PLCZ1: variants seen among roughly 807,000 people sequenced by gnomAD.
The protein encoded by PLCZ1 is 1-phosphatidylinositol 4,5-bisphosphate phosphodiesterase zeta-1.
PLCZ1 carries 64 observed loss-of-function variants against 76.8 expected under a neutral mutation model. The observed-to-expected ratio is 0.83, with a 90% CI of 0.68 to 1.03. PLCZ1 has a LOEUF of 1.03. PLCZ1 is among the 50% of genes least tolerant of loss of function. PLCZ1 has a pLI of 0.00. For synonymous variants in PLCZ1, 248 were observed against 230.8 expected (o/e 1.07, Z -0.68); for missense variants, 751 against 713.7 (o/e 1.05, Z -0.60).
Position 18,699,960 on chromosome 12 carries a change from A to C in PLCZ1, c.1018-10T>G. The C allele has an allele frequency of 6.2e-7, 1 of 1,603,822 alleles. No individual in the cohort carries two copies. The highest frequency in any genetic ancestry group is 8.5e-7 in the Non-Finnish European group (1 of 1,174,530). The stretch of plus-strand genomic sequence containing the variant: ...TTTTTAGCTTCCTGGTCTAAAAATA[A>C]AATGCAGTAATTTTACATTTTTATG... On this transcript the variant is annotated splice_polypyrimidine_tract_variant and intron_variant, in intron 9 of 14. Transcript: ENST00000266505.
chr12:18,669,499 G>A, the PLCZ1 span, among the ~76,000 whole-genome samples: 1 of 152,104 alleles, frequency 6.6e-6, no homozygotes, highest in Non-Finnish European at 1.5e-5. Flanking sequence ...CATAGACTCG[G>A]TGGCTTAAAC....
At position 18,693,465 on chromosome 12, in the gene PLCZ1, C is replaced by G. The variant is rs897743503; in HGVS notation, c.1461+1445G>C. On this transcript the variant is annotated intron_variant, in intron 12 of 14. Coordinates refer to ENST00000266505, the MANE Select transcript of PLCZ1 (RefSeq NM_033123.4). ...GTCATTCTCTGTGGTCCACCTGGCACAGGTAAAACCTTGTTAGCCAAAGCA... is the reference window on the plus strand; with the variant it reads ...GTCATTCTCTGTGGTCCACCTGGCAGAGGTAAAACCTTGTTAGCCAAAGCA... 1.9e-6 allele frequency: 3 copies of G among 1,606,726 alleles called. No homozygotes were observed. In the African/African-American group the frequency reaches 4.0e-5, roughly 21 times the overall value.
At chr12:18,724,264 C>G (rs912487933) in intron 3 of PLCZ1, among the ~76,000 whole-genome samples, 11 of 152,030 alleles carry the variant, frequency 7.2e-5, no homozygotes, top group Admixed American at 7.2e-4. Context: ...CACTAAAGAA[C>G]AGACCTCGGT....
intron 10 of PLCZ1, among the ~76,000 whole-genome samples, chr12:18,698,740 G>A (rs1320501489): frequency 1.3e-5 from 2 of 152,088 alleles, no homozygotes; most frequent in African/African-American, 4.8e-5. Flanking sequence ...GATAAGTGGT[G>A]TATCCATCAC....
intron 3 of PLCZ1, 61 bp from the exon 4 acceptor site, chr12:18,723,603 T>G: frequency 8.2e-7 from 1 of 1,226,662 alleles, no homozygotes; most frequent in Non-Finnish European, 1.2e-6. Flanking sequence ...AAAATGAATA[T>G]TAGAGTATTT....
the PLCZ1 span, among the ~76,000 whole-genome samples, chr12:18,648,763 C>T: frequency 6.6e-6 from 1 of 152,058 alleles, no homozygotes; most frequent in African/African-American, 2.4e-5. Flanking sequence ...TGCTTCTGAA[C>T]CTACTTTCGT....
intron 10 of PLCZ1, among the ~76,000 whole-genome samples, chr12:18,697,184 T>A (rs1955184120): frequency 6.6e-6 from 1 of 152,146 alleles, no homozygotes; most frequent in Admixed American, 6.6e-5. Flanking sequence ...GAATGGTTAC[T>A]GCTTATGGCT....
At chr12:18,728,276 T>C (rs941384121) in intron 3 of PLCZ1, among the ~76,000 whole-genome samples, 3 of 152,208 alleles carry the variant, frequency 2.0e-5, no homozygotes, top group Non-Finnish European at 4.4e-5. Context: ...ATATCAACAT[T>C]CTTACACTCA....
At chr12:18,662,802 A>C in the PLCZ1 span, among the ~76,000 whole-genome samples, 1 of 152,144 alleles carries the variant, frequency 6.6e-6, no homozygotes, top group Non-Finnish European at 1.5e-5. Flanking sequence ...TAACTTTAGC[A>C]TGTTAAATGT....
At chr12:18,656,903 A>C in the PLCZ1 span, among the ~76,000 whole-genome samples, 135,051 of 152,246 alleles carry the variant, frequency 0.89, 59,974 homozygotes, top group Admixed American at 0.9. Context: ...ATGTGGTGTT[A>C]AAGTTACTTT....
the PLCZ1 span, among the ~76,000 whole-genome samples, chr12:18,660,728 A>G: frequency 6.6e-6 from 1 of 152,280 alleles, no homozygotes; most frequent in East Asian, 1.9e-4. Flanking sequence ...TGATATTATT[A>G]GATTCATATA....
rs143653937 is a variant in PLCZ1, at chr12:18,737,391, C to G, written c.-20G>C. ...TTCCATAGTTTCATGACCTGTAGAG[C>G]CGTTTCTCCTCACTTAGAAGTCTTT... On this transcript the variant is annotated 5_prime_UTR_variant, in exon 2 of 15. Transcript: ENST00000266505. The G allele has an allele frequency of 1.3e-4, 202 of 1,613,786 alleles. No homozygotes were observed. In the African/African-American group the frequency reaches 2.5e-3, roughly 20 times the overall value.
At chr12:18,717,049 A>C (rs1958065606) in intron 5 of PLCZ1, among the ~76,000 whole-genome samples, 1 of 152,182 alleles carries the variant, frequency 6.6e-6, no homozygotes, top group Non-Finnish European at 1.5e-5. Context: ...GCCACTAGTC[A>C]CAAGGAAAAA....
the PLCZ1 span, among the ~76,000 whole-genome samples, chr12:18,672,571 A>C: frequency 2.6e-5 from 4 of 152,142 alleles, no homozygotes; most frequent in Non-Finnish European, 4.4e-5. Flanking sequence ...CCCACTACTC[A>C]TCACATTTGA....
intron 10 of PLCZ1, among the ~76,000 whole-genome samples, chr12:18,697,802 AT>A (rs11327466): frequency 0.49 from 74,072 of 151,550 alleles, 19,216 homozygotes; most frequent in African/African-American, 0.67. Flanking sequence ...CTACAACATT[AT>A]TTTTTAATGA....
chr12:18,695,067 A>T lies in PLCZ1; in HGVS notation c.1304T>A (p.Phe435Tyr). The T allele has an allele frequency of 6.2e-7, 1 of 1,612,940 alleles. No individual in the cohort carries two copies. Among genetic ancestry groups the T allele is most frequent in the African/African-American group, 1.3e-5 (1 of 74,946 alleles). ...ATCCATGGGCAGACCAGGGGTCTGG[A>T]AATTTAAAGCCACTGTAAGAAAGAA... ...NIGCQMVALN[F>Y]QTPGLPMDLQ... Residue 435 changes from phenylalanine (F) to tyrosine (Y), a missense_variant, in exon 12 of 15, where the codon TTC becomes TAC. Coordinates refer to ENST00000266505, the MANE Select transcript of PLCZ1 (RefSeq NM_033123.4).
At chr12:18,669,409 C>T in the PLCZ1 span, among the ~76,000 whole-genome samples, 1 of 152,162 alleles carries the variant, frequency 6.6e-6, no homozygotes, top group Non-Finnish European at 1.5e-5. Context: ...TAATTATCCT[C>T]ACTTTAAATA....
At chr12:18,727,037 A>G (rs527700736) in intron 3 of PLCZ1, among the ~76,000 whole-genome samples, 12 of 152,150 alleles carry the variant, frequency 7.9e-5, no homozygotes, top group East Asian at 1.9e-4. Context: ...GCATGGAAGT[A>G]TACAGGTGCC....
intron 12 of PLCZ1, 51 bp downstream of exon 12, chr12:18,694,859 T>C: frequency 7.4e-6 from 10 of 1,358,088 alleles, no homozygotes; most frequent in Non-Finnish European, 1.0e-5. Context: ...ATGTACACTA[T>C]CTAGTTTATA....
Sources: allele counts gnomAD v4.1 joint callset (sites outside exome capture counted in the v4.1 genomes callset), GRCh38; gene constraint gnomAD v4.1.1; transcripts MANE v1.5; gene names NCBI Gene and HGNC (gene_info 2026-07-23, HGNC 2026-07-21).